The following TSPAN7 variants were observed in gnomAD, a reference collection of about 807,000 sequenced individuals.
TSPAN7 encodes the protein tetraspanin 7.
In TSPAN7, 1 loss-of-function variant was observed where a neutral mutation model predicts 17.6. The observed-to-expected ratio is 0.06, with a 90% CI of 0.02 to 0.27. The LOEUF (loss-of-function observed/expected upper bound fraction) is 0.27. TSPAN7 is among the 10% of genes least tolerant of loss of function. TSPAN7 has a pLI of 1.00. For missense variants in TSPAN7, 112 were observed against 201.7 expected, an observed-to-expected ratio of 0.56 and a Z score of 2.69; for synonymous variants, 78 against 79.0, an observed-to-expected ratio of 0.99 and a Z score of 0.07.
chrX:38,629,676 C>G (rs1053739225), intron 1 of TSPAN7, among the ~76,000 whole-genome samples: 1 of 111,495 alleles, frequency 9.0e-6, no homozygotes, highest in African/African-American at 3.3e-5. Context: ...CCTTAATGTT[C>G]CACTGACCTG....
intron 6 of TSPAN7, among the ~76,000 whole-genome samples, chrX:38,683,702 G>T (rs1170082651): frequency 1.8e-5 from 2 of 112,638 alleles, no homozygotes; most frequent in Non-Finnish European, 3.8e-5. Flanking sequence ...TCAGCCTCAG[G>T]GGTCCTGAAA....
chrX:38,563,530 GA>G (rs1569300287), intron 1 of TSPAN7, among the ~76,000 whole-genome samples: 2 of 111,135 alleles, frequency 1.8e-5, no homozygotes, highest in Non-Finnish European at 3.8e-5. Context: ...TGCACATGAA[GA>G]AATATTGTTC....
chrX:38,619,966 A>G (rs1306122128), intron 1 of TSPAN7, among the ~76,000 whole-genome samples: 2 of 112,410 alleles, frequency 1.8e-5, no homozygotes, highest in Non-Finnish European at 3.8e-5. Flanking sequence ...AGACAATGGT[A>G]TCTATCCCCT....
At position 38,621,144 on chromosome X, in the gene TSPAN7, G is replaced by A. The variant is rs754419608; in HGVS notation, c.82-44977G>A. 2.9e-3 allele frequency among the ~76,000 whole-genome samples: 324 copies of A among 112,269 alleles called. 3 individuals are homozygous for A. Among genetic ancestry groups the A allele is most frequent in the African/African-American group, 1.0e-2 (309 of 30,922 alleles). ...CTTAGGATATGAGGACTAGATATCA[G>A]CAAGGATACCATAGGTTTGGAAAGA... On this transcript the variant is annotated intron_variant, in intron 1 of 7. Coordinates refer to ENST00000378482, the MANE Select transcript of TSPAN7 (RefSeq NM_004615.4).
chrX:38,619,104 T>C (rs1485542476), intron 1 of TSPAN7, among the ~76,000 whole-genome samples: 1 of 111,310 alleles, frequency 9.0e-6, no homozygotes, highest in Non-Finnish European at 1.9e-5. Flanking sequence ...AAATGTACTA[T>C]TTTTGCTAGC....
intron 1 of TSPAN7, among the ~76,000 whole-genome samples, chrX:38,651,885 C>A (rs2069678015): frequency 8.9e-6 from 1 of 112,194 alleles, no homozygotes; most frequent in Non-Finnish European, 1.9e-5. Flanking sequence ...ATGAAGGTTG[C>A]AACTATAGTT....
At chrX:38,602,486 A>G (rs1298568184) in intron 1 of TSPAN7, among the ~76,000 whole-genome samples, 2 of 111,689 alleles carry the variant, frequency 1.8e-5, no homozygotes, top group African/African-American at 3.3e-5. Flanking sequence ...AAAGACAAAT[A>G]TGCCAATAGA....
At chrX:38,596,542 C>G (rs557880443) in intron 1 of TSPAN7, among the ~76,000 whole-genome samples, 1 of 110,901 alleles carries the variant, frequency 9.0e-6, no homozygotes, top group African/African-American at 3.3e-5. Flanking sequence ...ATCTATTGGA[C>G]GTAGGTCTAT....
At chrX:38,612,966 G>C (rs976392061) in intron 1 of TSPAN7, among the ~76,000 whole-genome samples, 3 of 111,669 alleles carry the variant, frequency 2.7e-5, no homozygotes, top group African/African-American at 9.8e-5. Flanking sequence ...GGCATTCTAT[G>C]ACATACTATG....
At chrX:38,579,138 C>T (rs960071110) in intron 1 of TSPAN7, among the ~76,000 whole-genome samples, 21 of 111,197 alleles carry the variant, frequency 1.9e-4, no homozygotes, top group East Asian at 2.8e-4. Flanking sequence ...TGAAGAGAAC[C>T]GTTAATTCTT....
intron 1 of TSPAN7, among the ~76,000 whole-genome samples, chrX:38,576,280 G>C (rs767602425): frequency 1.8e-5 from 2 of 111,643 alleles, no homozygotes; most frequent in Non-Finnish European, 3.8e-5. Context: ...ATTGGAGTGG[G>C]AATGAAGAAA....
intron 1 of TSPAN7, chrX:38,612,662 G>A (rs1204806147): frequency 8.9e-6 from 1 of 111,750 alleles, no homozygotes; most frequent in Non-Finnish European, 1.9e-5. Flanking sequence ...AAGGGTACAA[G>A]GGAGGTAAGT....
chrX:38,680,760 A>G (rs771525539), intron 5 of TSPAN7, among the ~76,000 whole-genome samples: 1 of 111,443 alleles, frequency 9.0e-6, no homozygotes, highest in Non-Finnish European at 1.9e-5. Flanking sequence ...GCTAGTAACT[A>G]TGTTTATGAT....
At chrX:38,569,484 A>T (rs1487221624) in intron 1 of TSPAN7, among the ~76,000 whole-genome samples, 2 of 51,856 alleles carry the variant, frequency 3.9e-5, no homozygotes, top group East Asian at 7.2e-4. Flanking sequence ...AGAGACAGGA[A>T]GTTGGTGGCG....
chrX:38,679,300 A>C (rs1048838208), intron 5 of TSPAN7, among the ~76,000 whole-genome samples: 6 of 111,986 alleles, frequency 5.4e-5, no homozygotes, highest in African/African-American at 1.9e-4. Context: ...GTGTTTCCAA[A>C]TTTTGAGCTT....
chrX:38,621,165 A>G lies in TSPAN7; in HGVS notation c.82-44956A>G, dbSNP rs757728395. Among the ~76,000 whole-genome samples the G allele has an allele frequency of 3.6e-5, 4 of 112,366 alleles. No individual in the cohort carries two copies. In the East Asian group the frequency reaches 8.4e-4, roughly 23 times the overall value. ...ATCAGCAAGGATACCATAGGTTTGG[A>G]AAGACATTTTAATTTACCCTTAGAA... On this transcript the variant is annotated intron_variant, in intron 1 of 7. Coordinates refer to ENST00000378482, the MANE Select transcript of TSPAN7 (RefSeq NM_004615.4).
chrX:38,562,339 G>T (rs749990888), intron 1 of TSPAN7, among the ~76,000 whole-genome samples: 1 of 111,706 alleles, frequency 9.0e-6, no homozygotes, highest in South Asian at 3.8e-4. Flanking sequence ...TCCCTATCTG[G>T]TGGTTCTGTC....
At chrX:38,577,144 A>T (rs1480744431) in intron 1 of TSPAN7, among the ~76,000 whole-genome samples, 1 of 111,774 alleles carries the variant, frequency 8.9e-6, no homozygotes, top group Non-Finnish European at 1.9e-5. Flanking sequence ...GATGATGGTG[A>T]TACTCTCATG....
intron 1 of TSPAN7, among the ~76,000 whole-genome samples, chrX:38,620,074 T>A (rs943650626): frequency 1.8e-5 from 2 of 111,789 alleles, no homozygotes; most frequent in African/African-American, 6.5e-5. Context: ...TCTGCCTGTG[T>A]AGCAGTGTGG....
Sources: allele counts gnomAD v4.1 joint callset (sites outside exome capture counted in the v4.1 genomes callset), GRCh38; gene constraint gnomAD v4.1.1; transcripts MANE v1.5; gene names NCBI Gene and HGNC (gene_info 2026-07-23, HGNC 2026-07-21).